The following OXR1 variants were observed in gnomAD, a reference collection of about 807,000 sequenced individuals.
OXR1 encodes the protein oxidation resistance protein 1.
OXR1 carries 41 observed loss-of-function variants against 104.6 expected under a neutral mutation model. That is an observed-to-expected ratio of 0.39 (90% CI 0.31 to 0.51). The LOEUF (loss-of-function observed/expected upper bound fraction) is 0.51. OXR1 is among the 20% of genes least tolerant of loss of function. The pLI is 0.77. For synonymous variants in OXR1, 348 were observed against 348.4 expected (o/e 1.00, Z 0.01); for missense variants, 955 against 1,031.9 (o/e 0.93, Z 1.02).
chr8:106,709,200 G>A (rs1831453759), intron 9 of OXR1, among the ~76,000 whole-genome samples: 1 of 151,906 alleles, frequency 6.6e-6, no homozygotes, highest in Non-Finnish European at 1.5e-5. Flanking sequence ...CTTTCTTATA[G>A]AACAAAATCA....
At chr8:106,668,830 G>T (rs1006166939) in intron 3 of OXR1, among the ~76,000 whole-genome samples, 1 of 152,012 alleles carries the variant, frequency 6.6e-6, no homozygotes, top group Non-Finnish European at 1.5e-5. Flanking sequence ...TGTCACTTAC[G>T]CAGTCTGCAG....
In OXR1 at chr8:106,740,384, G is replaced by C. The variant is rs770417778; in HGVS notation, c.2205G>C (p.Trp735Cys). The C allele has an allele frequency of 1.2e-6, 2 of 1,612,768 alleles. No individual in the cohort carries two copies. Reference protein sequence around the residue: ...HLPPRTIGYPWTLVYGTGKHG... With the variant: ...HLPPRTIGYPCTLVYGTGKHG... ...CACCAAGAACAATTGGCTATCCATG[G>C]ACTCTTGTTTATGGTACTGGAAAAC... Residue 735 changes from tryptophan to cysteine, a missense_variant, in exon 14 of 17, where the codon TGG becomes TGC. Around this residue, in one of 2 missense-constraint regions of OXR1, gnomAD observed 106 missense variants for 179.0 expected, o/e 0.59. Transcript: ENST00000517566.
At chr8:106,654,577 C>T (rs1243867206) in intron 3 of OXR1, among the ~76,000 whole-genome samples, 1 of 151,994 alleles carries the variant, frequency 6.6e-6, no homozygotes, top group African/African-American at 2.4e-5. Flanking sequence ...TATATTAGAC[C>T]TATATTAGAT....
rs549422241 is a variant in OXR1, at chr8:106,750,428, T to C, written c.2487-378T>C. On this transcript the variant is annotated intron_variant, in intron 16 of 16. Coordinates refer to ENST00000517566, the MANE Select transcript of OXR1 (RefSeq NM_001198533.2). Reference sequence around the variant, plus strand: ...GCAACCTCCGCCTCCTGGGTTCAAGTGCTTCTCCTGCCTCTGCCTCCCGAG... The same window carrying C: ...GCAACCTCCGCCTCCTGGGTTCAAGCGCTTCTCCTGCCTCTGCCTCCCGAG... Among the ~76,000 whole-genome samples the C allele has an allele frequency of 3.3e-5, 5 of 151,164 alleles. No individual in the cohort carries two copies. The East Asian group carries it at 9.8e-4, about 30-fold the overall frequency.
chr8:106,448,046 A>G, intron 2 of OXR1: 1 of 1,535,872 alleles, frequency 6.5e-7, no homozygotes, highest in Non-Finnish European at 8.7e-7. Flanking sequence ...AAAACAGCCC[A>G]GGGTAGGTGG....
At chr8:106,495,443 C>G (rs184604539) in intron 2 of OXR1, among the ~76,000 whole-genome samples, 1 of 152,228 alleles carries the variant, frequency 6.6e-6, no homozygotes, top group East Asian at 1.9e-4. Flanking sequence ...AGGTTTTATT[C>G]TTAAGTTTTA....
intron 2 of OXR1, among the ~76,000 whole-genome samples, chr8:106,404,858 A>C (rs934808552): frequency 1.3e-5 from 2 of 151,840 alleles, no homozygotes; most frequent in Non-Finnish European, 2.9e-5. Flanking sequence ...GGTTCCCACC[A>C]CCACGCTTGG....
intron 3 of OXR1, among the ~76,000 whole-genome samples, chr8:106,672,145 A>C (rs183161790): frequency 6.6e-6 from 1 of 151,948 alleles, no homozygotes; most frequent in Admixed American, 6.6e-5. Flanking sequence ...AAGGCAACAA[A>C]GGAGAGAAGT....
At chr8:106,556,433 C>A (rs563186013) in intron 3 of OXR1, among the ~76,000 whole-genome samples, 9 of 152,190 alleles carry the variant, frequency 5.9e-5, no homozygotes, top group African/African-American at 2.2e-4. Context: ...TAATTTAAGA[C>A]CTAAATGATA....
chr8:106,627,882 A>C (rs532009340), intron 3 of OXR1, among the ~76,000 whole-genome samples: 2 of 152,276 alleles, frequency 1.3e-5, no homozygotes, highest in Non-Finnish European at 2.9e-5. Context: ...TCCACCAGCT[A>C]TCCCTTCTGC....
At chr8:106,461,359 G>A (rs534442347) in intron 2 of OXR1, among the ~76,000 whole-genome samples, 30 of 152,144 alleles carry the variant, frequency 2.0e-4, no homozygotes, top group Admixed American at 5.9e-4. Flanking sequence ...ATCACTTGAG[G>A]TCAGGAGTTC....
chr8:106,442,129 G>A (rs1318539911), intron 2 of OXR1, among the ~76,000 whole-genome samples: 2 of 152,152 alleles, frequency 1.3e-5, no homozygotes, highest in Non-Finnish European at 2.9e-5. Context: ...ATGAAGTGGT[G>A]TTGAATTTTA....
chr8:106,303,972 A>C (rs1379789173), intron 1 of OXR1, among the ~76,000 whole-genome samples: 2 of 152,210 alleles, frequency 1.3e-5, no homozygotes, highest in Non-Finnish European at 2.9e-5. Flanking sequence ...AAAATGCCTT[A>C]TGTATTTCAT....
intron 3 of OXR1, among the ~76,000 whole-genome samples, chr8:106,552,549 C>T (rs1470230887): frequency 6.6e-6 from 1 of 152,078 alleles, no homozygotes; most frequent in Middle Eastern, 3.2e-3. Flanking sequence ...AGACATTAAA[C>T]CTTAAGGCCT....
At position 106,528,022 on chromosome 8, in the gene OXR1, C is replaced by G. The variant is rs951448683; in HGVS notation, c.220+8883C>G. On this transcript the variant is annotated intron_variant, in intron 3 of 16. Transcript: ENST00000517566. ...TGAAAACGATGCAATAATAAAAGAA[C>G]AGTAGTTTTTCATAAGACGATACTT... Among the ~76,000 whole-genome samples the G allele has an allele frequency of 4.6e-5, 7 of 152,302 alleles. No homozygotes were observed. The South Asian group carries it at 8.3e-4, about 18-fold the overall frequency.
At chr8:106,711,470 A>C (rs1226259349) in intron 10 of OXR1, among the ~76,000 whole-genome samples, 1 of 152,162 alleles carries the variant, frequency 6.6e-6, no homozygotes, top group African/African-American at 2.4e-5. Flanking sequence ...ATTACAACGT[A>C]CTATATTTTT....
Position 106,672,504 on chromosome 8 carries a change from GAGAA to G in OXR1, c.221-6694_221-6691del, listed in dbSNP as rs991662742. On this transcript the variant is annotated intron_variant, in intron 3 of 16. Transcript: ENST00000517566. ...TCCATCAAAGAAAGAAAGAAAGAGA[GAGAA>G]AGAAAGAAAGAGAGAGAGAGAGAGA... Among the ~76,000 whole-genome samples, 10 of 100,068 alleles carry G rather than the reference GAGAA, an allele frequency of 1.0e-4. No homozygotes were observed. The East Asian group carries it at 1.9e-3, about 19-fold the overall frequency. 65.6% of individuals were successfully genotyped at this position (100,068 alleles called of 152,430 possible). A position where few individuals can be genotyped will look rare whatever the true frequency, so the allele number is the denominator to read the frequency against.
intron 11 of OXR1, among the ~76,000 whole-genome samples, chr8:106,728,217 G>GAAA (rs1164061309): frequency 2.2e-3 from 189 of 85,742 alleles, no homozygotes; most frequent in South Asian, 3.0e-3. Context: ...TTCTAAACTG[G>GAAA]AAAAAAAAAA....
chr8:106,357,756 A>T (rs1179577003), intron 1 of OXR1, among the ~76,000 whole-genome samples: 1 of 152,194 alleles, frequency 6.6e-6, no homozygotes, highest in Non-Finnish European at 1.5e-5. Context: ...GATATTTAAA[A>T]TTATAAATAT....
Sources: gnomAD v4.1 joint callset for allele counts (sites outside exome capture counted in the v4.1 genomes callset) on GRCh38, gnomAD v4.1.1 for gene constraint, gnomAD v4.1.1 regional missense constraint, MANE v1.5 for transcripts, NCBI Gene and HGNC (gene_info 2026-07-23, HGNC 2026-07-21) for gene names.